The following PFKM variants were observed in gnomAD, a reference collection of about 807,000 sequenced individuals.
The protein encoded by PFKM is phosphofructokinase, muscle.
In PFKM, 58 loss-of-function variants were observed where a neutral mutation model predicts 95.5. The ratio of observed to expected loss-of-function variants is 0.61; its 90% CI spans 0.49 to 0.76. The LOEUF is 0.76. PFKM is among the 30% of genes least tolerant of loss of function. The pLI, the probability that PFKM is intolerant of heterozygous loss-of-function variation, is 0.00. For missense variants in PFKM, 678 were observed against 1,005.4 expected (o/e 0.67, Z 4.40); for synonymous variants, 336 against 357.2 (o/e 0.94, Z 0.67).
At chr12:48,134,342 G>T in intron 7 of PFKM, 66 bp downstream of exon 7, 1 of 1,346,884 alleles carries the variant, frequency 7.4e-7, no homozygotes. Context: ...TTTCCCCAGA[G>T]AGTCCAGTGA....
At chr12:48,108,320 C>CTG (rs1156874547) in intron 3 of PFKM, 6 of 741,420 alleles carry the variant, frequency 8.1e-6, no homozygotes, top group African/African-American at 1.8e-5. Context: ...GGGGGAAAGT[C>CTG]TGTGTGTGTG....
In PFKM at chr12:48,133,430, C is replaced by T. The variant is rs1370905542; in HGVS notation, c.543C>T (p.Ala181=). 6.2e-7 allele frequency: 1 copy of T among 1,614,098 alleles called. No individual in the cohort carries two copies. Among genetic ancestry groups the T allele is most frequent in the Admixed American group, 1.7e-5 (1 of 60,024 alleles). The change falls in exon 6 of 23, where the codon GCC becomes GCT. Residue 181 remains alanine (A), a synonymous_variant. Transcript: ENST00000359794. ...GTDMTIGTDS[A]LHRIMEIVDA... ...ATATGACCATTGGCACTGACTCTGC[C>T]CTGCATCGGATCATGGAAATTGTAG...
chr12:48,139,223 G>A, intron 11 of PFKM, 62 bp from the exon 12 acceptor site: 1 of 1,284,166 alleles, frequency 7.8e-7, no homozygotes, highest in Non-Finnish European at 1.1e-6. Context: ...CTGTGGGATG[G>A]AGTTCCAGCT....
rs943749815 is a variant in PFKM at position 48,110,498 on chromosome 12, T to G, written c.205+2304T>G. Among the ~76,000 whole-genome samples the G allele has an allele frequency of 2.6e-5, 4 of 152,190 alleles. No individual in the cohort carries two copies. In the East Asian group the frequency reaches 7.7e-4, roughly 29 times the overall value. ...TGCTCCATTTCTCACCTCTAGGCAATGCATCACTATAGGGCACCAGTGAAA... is the reference window on the plus strand; with the variant it reads ...TGCTCCATTTCTCACCTCTAGGCAAGGCATCACTATAGGGCACCAGTGAAA... On this transcript the variant is annotated intron_variant, in intron 3 of 24. Coordinates refer to the PFKM transcript ENST00000340802.
At chr12:48,140,618 C>T in intron 13 of PFKM, 104 bp from the exon 14 acceptor site, 1 of 1,090,472 alleles carries the variant, frequency 9.2e-7, no homozygotes, top group Non-Finnish European at 1.4e-6. Flanking sequence ...ATATCCTGAT[C>T]CCTGGATGAC....
intron 7 of PFKM, among the ~76,000 whole-genome samples, 199 bp downstream of exon 7, chr12:48,134,475 T>G (rs548885155): frequency 6.6e-6 from 1 of 152,324 alleles, no homozygotes. Flanking sequence ...AGGCACGTGC[T>G]TGGTGTAAAG....
chr12:48,144,041 G>A lies in PFKM; in HGVS notation c.1881-5G>A, dbSNP rs1309706428. 4 of 1,601,508 alleles carry A rather than the reference G, an allele frequency of 2.5e-6. No individual in the cohort carries two copies. The highest frequency in any genetic ancestry group is 3.4e-6 in the Non-Finnish European group (4 of 1,168,626). On this transcript the variant is annotated splice_polypyrimidine_tract_variant and splice_region_variant and intron_variant, in intron 19 of 22. Coordinates refer to ENST00000359794, the MANE Select transcript of PFKM (RefSeq NM_000289.6). ...AGTCACAGGCTTTTGGTCTCCACCT[G>A]GCAGGAATGAAAAGTGCAATGAGAA... is the stretch of plus-strand genomic sequence containing the variant.
At chr12:48,130,252 A>T in intron 2 of PFKM, 111 bp from the exon 3 acceptor site, 1 of 801,048 alleles carries the variant, frequency 1.2e-6, no homozygotes, top group Middle Eastern at 2.2e-4. Flanking sequence ...CAGAGAAAAG[A>T]CTAAATAAAG....
intron 2 of PFKM, among the ~76,000 whole-genome samples, chr12:48,128,028 A>G (rs1040350510): frequency 3.3e-5 from 5 of 152,142 alleles, no homozygotes; most frequent in Non-Finnish European, 5.9e-5. Context: ...CCTAGTTTAT[A>G]TTTTATTCTT....
chr12:48,134,190 C>T (rs1949824116), intron 6 of PFKM, 42 bp from the exon 7 acceptor site: 1 of 1,579,818 alleles, frequency 6.3e-7, no homozygotes. Context: ...TGATCTTGGC[C>T]ATAGGGTCAC....
intron 1 of PFKM, chr12:48,106,373 C>T (rs2137465576): frequency 2.1e-6 from 1 of 480,642 alleles, no homozygotes; most frequent in South Asian, 2.9e-5. Flanking sequence ...CCGCCGCCTT[C>T]TGGTTCCGCC....
At chr12:48,117,559 A>G (rs2137718178), upstream of PFKM, among the ~76,000 whole-genome samples, 1 of 152,268 alleles carries the variant, frequency 6.6e-6, no homozygotes, top group South Asian at 2.1e-4. Flanking sequence ...CACTGTTTTA[A>G]TTTGCAGTTC....
At chr12:48,124,024 T>C (rs549285311) in intron 2 of PFKM, among the ~76,000 whole-genome samples, 19 of 152,324 alleles carry the variant, frequency 1.2e-4, no homozygotes, top group African/African-American at 4.6e-4. Flanking sequence ...AATGAATTAG[T>C]GAGTATCTAC....
chr12:48,107,216 T>A, intron 1 of PFKM: 1 of 593,440 alleles, frequency 1.7e-6, no homozygotes, highest in Non-Finnish European at 3.0e-6. Flanking sequence ...CAAAGTAGAT[T>A]ATTTGTATTG....
intron 13 of PFKM, among the ~76,000 whole-genome samples, chr12:48,140,328 G>A (rs1288497063): frequency 6.6e-6 from 1 of 152,152 alleles, no homozygotes; most frequent in African/African-American, 2.4e-5. Context: ...GCAAACTCCT[G>A]GGCCCCTCTC....
At chr12:48,119,478 AG>A in intron 1 of PFKM, 72 bp downstream of exon 1, 1 of 877,308 alleles carries the variant, frequency 1.1e-6, no homozygotes, top group Non-Finnish European at 1.4e-6. Context: ...GGCCGGGAGC[AG>A]GCGGTAGGGA....
In PFKM at chr12:48,132,958, A is replaced by C. The variant is rs1305529475; in HGVS notation, c.328A>C (p.Ile110Leu). 1 of 1,613,992 alleles carries C rather than the reference A, an allele frequency of 6.2e-7. No individual in the cohort carries two copies. The highest frequency in any genetic ancestry group is 1.7e-5 in the Admixed American group (1 of 60,020). ...TGCCTACAACCTGGTGAAGCGTGGG[A>C]TCACCAATCTCTGTGTCATTGGGGG... ...RAAYNLVKRG[I>L]TNLCVIGGDG... is the part of the protein sequence containing the mutation. Residue 110 changes from isoleucine to leucine, a missense_variant, in exon 5 of 23, where the codon ATC becomes CTC. Ile to Leu is a conservative substitution (Grantham distance 5). Transcript: ENST00000359794.
intron 10 of PFKM, among the ~76,000 whole-genome samples, chr12:48,135,688 A>C (rs1295707268): frequency 1.3e-5 from 2 of 152,202 alleles, no homozygotes; most frequent in African/African-American, 4.8e-5. Context: ...GTTGTACAGA[A>C]TAATACAGAG....
At chr12:48,122,464 C>T in intron 1 of PFKM, 1 of 639,132 alleles carries the variant, frequency 1.6e-6, no homozygotes, top group Non-Finnish European at 2.2e-6. Context: ...TCTATTCAGT[C>T]AACTTCTCTT....
Sources: allele counts gnomAD v4.1 joint callset (sites outside exome capture counted in the v4.1 genomes callset), GRCh38; gene constraint gnomAD v4.1.1; transcripts MANE v1.5; gene names NCBI Gene and HGNC (gene_info 2026-07-23, HGNC 2026-07-21).